The following CTBP2 variants were observed in gnomAD, a reference collection of about 807,000 sequenced individuals.
CTBP2 encodes C-terminal binding protein 2, also known as C-terminal-binding protein 2.
A neutral mutation model predicts 80.3 loss-of-function variants in CTBP2; 30 were observed. The observed-to-expected ratio is 0.37, with a 90% CI of 0.28 to 0.51. The LOEUF is 0.51. CTBP2 is among the 20% of genes least tolerant of loss of function. The pLI, the probability that CTBP2 is intolerant of heterozygous loss-of-function variation, is 0.93. For synonymous variants in CTBP2, 594 were observed against 587.4 expected (o/e 1.01, Z -0.16); for missense variants, 1,212 against 1,375.3 (o/e 0.88, Z 1.88).
chr10:125,151,888 G>A (rs1382349246), intron 1 of CTBP2, among the ~76,000 whole-genome samples: 1 of 152,228 alleles, frequency 6.6e-6, no homozygotes, highest in African/African-American at 2.4e-5. Flanking sequence ...ACAAAGGCCA[G>A]CGGGAGGAAG....
At chr10:125,104,218 A>G (rs942215832) in intron 2 of CTBP2, among the ~76,000 whole-genome samples, 17 of 152,306 alleles carry the variant, frequency 1.1e-4, no homozygotes, top group Admixed American at 8.5e-4. Context: ...ACGGAACAGG[A>G]GGACCCTGTG....
intron 1 of CTBP2, among the ~76,000 whole-genome samples, chr10:125,121,123 C>G (rs995077092): frequency 1.3e-5 from 2 of 152,206 alleles, no homozygotes; most frequent in Non-Finnish European, 2.9e-5. Context: ...TGGTAAGGAG[C>G]CCTTGGGTGA....
chr10:125,011,319 G>A (rs1257991968), intron 1 of CTBP2, among the ~76,000 whole-genome samples: 1 of 152,254 alleles, frequency 6.6e-6, no homozygotes, highest in East Asian at 1.9e-4. Flanking sequence ...ACATGTATCT[G>A]AATGAGTCAC....
intron 2 of CTBP2, among the ~76,000 whole-genome samples, chr10:125,108,453 T>A (rs1360391276): frequency 6.6e-6 from 1 of 152,254 alleles, no homozygotes; most frequent in Admixed American, 6.5e-5. Flanking sequence ...TTAAAAGATG[T>A]GTCTAGACCA....
chr10:125,007,576 T>C (rs1175464036), intron 1 of CTBP2, among the ~76,000 whole-genome samples: 4 of 152,148 alleles, frequency 2.6e-5, no homozygotes, highest in Non-Finnish European at 4.4e-5. Context: ...TACATTTCAT[T>C]GTGGGGAGCT....
chr10:125,137,736 G>A (rs1005847095), intron 1 of CTBP2, among the ~76,000 whole-genome samples: 6 of 152,192 alleles, frequency 3.9e-5, no homozygotes, highest in South Asian at 2.1e-4. Flanking sequence ...GCAAAAATCC[G>A]TAAATAACCT....
intron 1 of CTBP2, among the ~76,000 whole-genome samples, chr10:125,122,311 A>G (rs964786925): frequency 1.3e-5 from 2 of 152,266 alleles, no homozygotes; most frequent in Admixed American, 1.3e-4. Flanking sequence ...TGATGAACAT[A>G]TAAATACACA....
At chr10:125,147,645 C>G (rs2133355802) in intron 1 of CTBP2, among the ~76,000 whole-genome samples, 1 of 152,060 alleles carries the variant, frequency 6.6e-6, no homozygotes, top group South Asian at 2.1e-4. Context: ...ACCTGTAATC[C>G]TAACACTTTT....
rs770810281 is a variant in CTBP2, at chr10:125,026,299, G to A, written c.1461C>T (p.Pro487=). The stretch of plus-strand genomic sequence containing the variant: ...TGCGCTCCCTCTTTAGCAGCTCCAT[G>A]GGCACCGTGTATGCCGTGGAGTAGG... Residue 487 remains proline (P), a synonymous_variant, in exon 1 of 9, where the codon CCC becomes CCT. Transcript: ENST00000309035. The A allele has an allele frequency of 2.7e-5, 43 of 1,613,810 alleles. No homozygotes were observed. Among genetic ancestry groups the A allele is most frequent in the Non-Finnish European group, 3.6e-5 (42 of 1,179,970 alleles).
intron 1 of CTBP2, among the ~76,000 whole-genome samples, chr10:125,135,491 G>A (rs1856843534): frequency 6.6e-6 from 1 of 152,130 alleles, no homozygotes; most frequent in African/African-American, 2.4e-5. Flanking sequence ...GAAGCCTCAA[G>A]AGGTCCATAG....
chr10:125,046,309 G>C (rs141269610), intron 2 of CTBP2, among the ~76,000 whole-genome samples: 1 of 152,100 alleles, frequency 6.6e-6, no homozygotes, highest in African/African-American at 2.4e-5. Context: ...GGCCAAGGAG[G>C]GTGGATCACA....
At chr10:125,016,576 G>A (rs1395734163) in intron 1 of CTBP2, among the ~76,000 whole-genome samples, 2 of 152,240 alleles carry the variant, frequency 1.3e-5, no homozygotes, top group Non-Finnish European at 2.9e-5. Flanking sequence ...GGCTGAGATG[G>A]GAGAGGGAGA....
At chr10:125,136,941 G>A (rs1021313154) in intron 1 of CTBP2, among the ~76,000 whole-genome samples, 5 of 152,174 alleles carry the variant, frequency 3.3e-5, no homozygotes, top group African/African-American at 1.2e-4. Context: ...CTCCGGGCTC[G>A]TGTCAGGAGC....
intron 2 of CTBP2, among the ~76,000 whole-genome samples, chr10:125,061,297 C>T (rs1251735245): frequency 2.0e-5 from 3 of 152,196 alleles, no homozygotes; most frequent in Non-Finnish European, 2.9e-5. Context: ...CCTCTGGTGG[C>T]GCTGTTGGCA....
chr10:125,033,437 A>G (rs992155304), intron 3 of CTBP2, among the ~76,000 whole-genome samples: 4 of 134,712 alleles, frequency 3.0e-5, no homozygotes, highest in African/African-American at 1.0e-4. Flanking sequence ...GAAACCAATC[A>G]GAGAGGAGTC....
rs182199751 is a variant in CTBP2 at position 125,066,465 on chromosome 10, G to A, written c.-101-27310C>T. ...AGCAGGGTGCGCAGATGTAACGGGG[G>A]AAGCAGGCACGGCCAAGCACCCTAG... On this transcript the variant is annotated intron_variant, in intron 2 of 10. Transcript: ENST00000337195. This position sits in a 1 kb window ranked among gnomAD's most constrained non-coding sequence, Gnocchi z 4.1. Among the ~76,000 whole-genome samples the A allele has an allele frequency of 8.3e-4, 127 of 152,314 alleles. No individual in the cohort carries two copies. The highest frequency in any genetic ancestry group is 1.5e-3 in the Non-Finnish European group (105 of 68,016).
intron 2 of CTBP2, among the ~76,000 whole-genome samples, chr10:125,095,588 G>C (rs547308983): frequency 6.6e-6 from 1 of 152,296 alleles, no homozygotes; most frequent in African/African-American, 2.4e-5. Flanking sequence ...AGTCCTTCTG[G>C]AACTGTGGGC....
intron 5 of CTBP2, among the ~76,000 whole-genome samples, 154 bp from the exon 8 acceptor site, chr10:124,994,139 T>C (rs1054358291): frequency 6.6e-6 from 1 of 152,232 alleles, no homozygotes; most frequent in South Asian, 2.1e-4. Flanking sequence ...GAAGTGTTGG[T>C]GACGGCTGGA....
At chr10:125,143,173 G>A (rs1858148794) in intron 1 of CTBP2, among the ~76,000 whole-genome samples, 1 of 152,116 alleles carries the variant, frequency 6.6e-6, no homozygotes, top group Admixed American at 6.6e-5. Context: ...CATTCCACAG[G>A]CAATGTTCAG....
Sources: allele counts gnomAD v4.1 joint callset (sites outside exome capture counted in the v4.1 genomes callset), GRCh38; gene constraint gnomAD v4.1.1; non-coding constraint Gnocchi (gnomAD v3.1); transcripts MANE v1.5; gene names NCBI Gene and HGNC (gene_info 2026-07-23, HGNC 2026-07-21).